ASTN1: variants seen among roughly 807,000 people sequenced by gnomAD.
The protein encoded by ASTN1 is astrotactin-1.
Under a neutral mutation model 140.7 loss-of-function variants are expected in ASTN1, and 41 were observed. The observed-to-expected ratio is 0.29, with a 90% CI of 0.23 to 0.38. The LOEUF (loss-of-function observed/expected upper bound fraction) is 0.38, where lower values mean the gene tolerates loss of function less well. Ranked by LOEUF, ASTN1 falls within the 10% of genes least tolerant of loss-of-function variation. The pLI is 1.00. For synonymous variants in ASTN1, 640 were observed against 652.2 expected (o/e 0.98, Z 0.29); for missense variants, 1,479 against 1,678.8 (o/e 0.88, Z 2.08).
intron 1 of ASTN1, among the ~76,000 whole-genome samples, chr1:177,147,571 T>C (rs992102715): frequency 6.6e-6 from 1 of 152,122 alleles, no homozygotes; most frequent in Non-Finnish European, 1.5e-5. Flanking sequence ...CTAAGACGTA[T>C]AAGGCAGAAT....
chr1:177,093,066 C>T (rs1457261411), intron 1 of ASTN1, among the ~76,000 whole-genome samples: 1 of 152,172 alleles, frequency 6.6e-6, no homozygotes, highest in Non-Finnish European at 1.5e-5. Flanking sequence ...AAGTCAGGGG[C>T]TTCATTTCCT....
intron 16 of ASTN1, among the ~76,000 whole-genome samples, chr1:176,901,007 A>G (rs924054021): frequency 7.2e-5 from 11 of 152,220 alleles, no homozygotes; most frequent in African/African-American, 2.4e-4. Flanking sequence ...TTAATAAATC[A>G]TGTCTAAAGA....
chr1:177,153,918 T>C (rs150358725), intron 1 of ASTN1, among the ~76,000 whole-genome samples: 27 of 152,300 alleles, frequency 1.8e-4, no homozygotes, highest in South Asian at 2.1e-4. Context: ...TAGAACACTG[T>C]ACAATGCCAA....
chr1:177,044,511 G>A (rs1000883812), intron 2 of ASTN1, among the ~76,000 whole-genome samples: 4 of 152,160 alleles, frequency 2.6e-5, no homozygotes, highest in African/African-American at 9.7e-5. Context: ...CAGGCCTGGC[G>A]CTCACCAGCC....
chr1:177,070,380 C>G (rs1181078199), intron 1 of ASTN1, among the ~76,000 whole-genome samples: 1 of 152,190 alleles, frequency 6.6e-6, no homozygotes, highest in Non-Finnish European at 1.5e-5. Context: ...TAAACGATTT[C>G]AGTAAGGTCC....
chr1:177,090,279 T>G (rs1217218632), intron 1 of ASTN1, among the ~76,000 whole-genome samples: 2 of 151,856 alleles, frequency 1.3e-5, no homozygotes, highest in African/African-American at 2.4e-5. Flanking sequence ...TCTTACTGTC[T>G]GTCTTCCCTA....
chr1:176,943,969 C>A lies in ASTN1; in HGVS notation c.2299G>T (p.Val767Leu). 3 of 1,614,098 alleles carry A rather than the reference C, an allele frequency of 1.9e-6. No individual in the cohort carries two copies. The highest frequency in any genetic ancestry group is 2.5e-6 in the Non-Finnish European group (3 of 1,179,994). ...TTCTCCAGGGGCACAGTGGCCACCA[C>A]AAGACCATCTGGCAGTTGCTGGTCT... ...GLDQQLPDGL[V>L]VATVPLENQC... is the part of the protein sequence containing the mutation. Residue 767 changes from valine (V) to leucine (L), a missense_variant, in exon 14 of 23, where the codon GTG becomes TTG. By Grantham distance (32) the Val-to-Leu change is conservative. This residue lies in a region of ASTN1 where 746 missense variants were observed against 800.9 expected (regional missense o/e 0.93). Transcript: ENST00000361833.
intron 1 of ASTN1, among the ~76,000 whole-genome samples, chr1:177,149,146 T>TATATATATA (rs768576957): frequency 0.044 from 4,771 of 108,480 alleles, 1,079 homozygotes; most frequent in African/African-American, 0.18. Context: ...ATATATATAG[T>TATATATATA]GCATATATAT....
At chr1:176,865,014 T>C (rs1331913653) in intron 22 of ASTN1, among the ~76,000 whole-genome samples, 1 of 152,166 alleles carries the variant, frequency 6.6e-6, no homozygotes, top group African/African-American at 2.4e-5. Context: ...GTAGCCATAG[T>C]GTAATAAAGG....
At chr1:177,022,663 T>C (rs965083725) in intron 7 of ASTN1, among the ~76,000 whole-genome samples, 8 of 152,218 alleles carry the variant, frequency 5.3e-5, no homozygotes, top group Non-Finnish European at 1.0e-4. Flanking sequence ...CTAAGATTTA[T>C]CTGAAGAAAA....
At chr1:176,946,284 A>G (rs1266457945) in intron 12 of ASTN1, among the ~76,000 whole-genome samples, 164 bp from the exon 13 acceptor site, 2 of 152,180 alleles carry the variant, frequency 1.3e-5, no homozygotes, top group Non-Finnish European at 1.5e-5. Context: ...TTGTTTTTTT[A>G]AGCCTGTAAA....
At chr1:177,138,545 C>T (rs2102218484) in intron 1 of ASTN1, among the ~76,000 whole-genome samples, 1 of 152,240 alleles carries the variant, frequency 6.6e-6, no homozygotes, top group Admixed American at 6.5e-5. Flanking sequence ...AACACTTGGT[C>T]ATTTTGCTGA....
At chr1:177,066,659 A>C (rs1050456673) in intron 1 of ASTN1, among the ~76,000 whole-genome samples, 1 of 152,220 alleles carries the variant, frequency 6.6e-6, no homozygotes, top group African/African-American at 2.4e-5. Flanking sequence ...TGTCAGGATC[A>C]GGATTTCTCC....
chr1:176,888,290 C>T, intron 17 of ASTN1, 86 bp from the exon 18 acceptor site: 1 of 1,497,084 alleles, frequency 6.7e-7, no homozygotes, highest in South Asian at 1.2e-5. Context: ...CAAGGATCTG[C>T]ATGGCCCTAA....
chr1:177,056,165 CAT>C, intron 2 of ASTN1, among the ~76,000 whole-genome samples: 1 of 152,296 alleles, frequency 6.6e-6, no homozygotes, highest in East Asian at 1.9e-4. Context: ...TGGAGGCTCC[CAT>C]AGGTGTCTTC....
In ASTN1 at chr1:176,862,064, T is replaced by TA. The variant is rs1469565939; in HGVS notation, c.*2219dup. ...TATGAATAGAAGGATGGCAAAACAG[T>TA]AGCAGCAAAGAGATGCTCTGGGCCC... On this transcript the variant is annotated 3_prime_UTR_variant, in exon 23 of 23. Transcript: ENST00000361833. 3 of 985,222 alleles carry TA rather than the reference T, an allele frequency of 3.0e-6. No individual in the cohort carries two copies. Among genetic ancestry groups the TA allele is most frequent in the Non-Finnish European group, 3.6e-6 (3 of 829,934 alleles). 61.0% of individuals were successfully genotyped at this position (985,222 alleles called of 1,614,324 possible).
intron 16 of ASTN1, among the ~76,000 whole-genome samples, chr1:176,928,520 G>C (rs1671068180): frequency 6.6e-6 from 1 of 152,216 alleles, no homozygotes; most frequent in Non-Finnish European, 1.5e-5. Flanking sequence ...ATAGGCAGCA[G>C]AGAACCCTGT....
At chr1:177,047,604 G>A (rs925520082) in intron 2 of ASTN1, among the ~76,000 whole-genome samples, 6 of 152,284 alleles carry the variant, frequency 3.9e-5, no homozygotes, top group East Asian at 1.9e-4. Flanking sequence ...GAAGACAAGA[G>A]TGAAGAGGAT....
chr1:176,930,924 T>C lies in ASTN1; in HGVS notation c.2671+3228A>G, dbSNP rs1293218360. Reference sequence around the variant, plus strand: ...AGATACAAGTTTGGAGAAGAGAGAGTTCAGTGACTGAAGAGGTTGTGAAGA... The same window carrying C: ...AGATACAAGTTTGGAGAAGAGAGAGCTCAGTGACTGAAGAGGTTGTGAAGA... On this transcript the variant is annotated intron_variant, in intron 16 of 22. Transcript: ENST00000361833. 7.3e-5 allele frequency among the ~76,000 whole-genome samples: 11 copies of C among 151,078 alleles called. No individual in the cohort carries two copies. The South Asian group carries it at 1.7e-3, about 23-fold the overall frequency.
Sources: gnomAD v4.1 joint callset for allele counts (sites outside exome capture counted in the v4.1 genomes callset) on GRCh38, gnomAD v4.1.1 for gene constraint, gnomAD v4.1.1 regional missense constraint, MANE v1.5 for transcripts, NCBI Gene and HGNC (gene_info 2026-07-23, HGNC 2026-07-21) for gene names.